The following MRE11 variants were observed in gnomAD, a reference collection of about 807,000 sequenced individuals.
The protein encoded by MRE11 is double-strand break repair protein MRE11.
A neutral mutation model predicts 91.7 loss-of-function variants in MRE11; 62 were observed. The observed-to-expected ratio is 0.68, with a 90% CI of 0.55 to 0.84. The LOEUF (loss-of-function observed/expected upper bound fraction) is 0.84. Among genes scored for constraint, MRE11 ranks in the 40% least tolerant of loss-of-function variants. The probability of loss-of-function intolerance (pLI) is 0.00; values close to 1 mark genes in which losing one functional copy is unlikely to be tolerated. For missense variants in MRE11, 796 were observed against 852.9 expected (o/e 0.93, Z 0.83); for synonymous variants, 273 against 271.4 (o/e 1.01, Z -0.06).
chr11:94,434,438 C>T (rs1199746791), intron 18 of MRE11, among the ~76,000 whole-genome samples: 2 of 152,118 alleles, frequency 1.3e-5, no homozygotes, highest in African/African-American at 2.4e-5. Context: ...TAATTTCTAA[C>T]GTTAGGGAGA....
intron 17 of MRE11, among the ~76,000 whole-genome samples, chr11:94,436,687 C>T (rs954144489): frequency 6.6e-6 from 1 of 152,158 alleles, no homozygotes; most frequent in African/African-American, 2.4e-5. Context: ...CCATATTGGA[C>T]TCTTCTTGGA....
intron 18 of MRE11, among the ~76,000 whole-genome samples, chr11:94,431,851 T>C (rs1346508345): frequency 2.0e-5 from 3 of 152,242 alleles, no homozygotes; most frequent in African/African-American, 4.8e-5. Context: ...GGCAGACATT[T>C]ATACAGCTGA....
chr11:94,455,553 C>G (rs1031883100), intron 14 of MRE11, among the ~76,000 whole-genome samples: 45 of 152,032 alleles, frequency 3.0e-4, no homozygotes, highest in Admixed American at 2.6e-4. Context: ...ATCATAAATT[C>G]AACAAGTACC....
rs970288275 is a variant in MRE11, at chr11:94,419,512, A to T, written c.*613T>A. On this transcript the variant is annotated 3_prime_UTR_variant, in exon 20 of 20. Transcript: ENST00000323929. ...AGAGAGAGAACACCATTAAGGATAC[A>T]GAATAATAAAGGAAATTACTACCAC... 8.7e-6 allele frequency: 2 copies of T among 230,568 alleles called. No individual in the cohort carries two copies. Among genetic ancestry groups the T allele is most frequent in the Non-Finnish European group, 1.7e-5 (2 of 117,378 alleles). 14.3% of individuals were successfully genotyped at this position (230,568 alleles called of 1,614,324 possible). A position where few individuals can be genotyped will look rare whatever the true frequency, so the allele number is the denominator to read the frequency against.
At chr11:94,500,918 GGATCAACTCTTGATTCCT>G in the MRE11 span, among the ~76,000 whole-genome samples, 5 of 152,090 alleles carry the variant, frequency 3.3e-5, no homozygotes, top group African/African-American at 1.2e-4. Flanking sequence ...TGAAATCTCT[GGATCAACTCTTGATTCCT>G]GATCAACACA....
At position 94,478,922 on chromosome 11, in the gene MRE11, G is replaced by C. The variant is rs1237085409; in HGVS notation, c.403-46C>G. The C allele has an allele frequency of 1.9e-6, 3 of 1,594,252 alleles. No individual in the cohort carries two copies. In the East Asian group the frequency reaches 6.7e-5, roughly 36 times the overall value. Reference sequence around the variant, plus strand: ...GAATGTTAGTGTGTATGTAAAAGTAGGTATCTGCATGAATATCGTATCACC... The same window carrying C: ...GAATGTTAGTGTGTATGTAAAAGTACGTATCTGCATGAATATCGTATCACC... On this transcript the variant is annotated intron_variant, in intron 5 of 19. Transcript: ENST00000323929.
At chr11:94,499,591 A>G in the MRE11 span, 1 of 152,218 alleles carries the variant, frequency 6.6e-6, no homozygotes, top group Non-Finnish European at 1.5e-5. Flanking sequence ...AAAGGCATGA[A>G]TTCATTTTTT....
At chr11:94,427,832 A>C (rs1009365362) in intron 19 of MRE11, among the ~76,000 whole-genome samples, 1 of 152,204 alleles carries the variant, frequency 6.6e-6, no homozygotes. Context: ...TATATAGCTA[A>C]CCAAGGAGGT....
rs1482890077 is a variant in MRE11 at position 94,486,065 on chromosome 11, C to T, written c.173G>A (p.Gly58Asp). 6.2e-7 allele frequency: 1 copy of T among 1,613,484 alleles called. No individual in the cohort carries two copies. The highest frequency in any genetic ancestry group is 8.5e-7 in the Non-Finnish European group (1 of 1,179,814). ...CTTATTTTCATGAAAAAGATCACCA[C>T]CTAACAAAATAAAATCCACCTGATC... ...QENEVDFILLGGDLFHENKPS... is the reference protein window; with the variant it reads ...QENEVDFILLDGDLFHENKPS... The change falls in exon 4 of 20, where the codon GGT becomes GAT. Residue 58 changes from glycine (G) to aspartate (D), a missense_variant. By Grantham distance (94) the Gly-to-Asp change is moderately conservative (BLOSUM62 -1). Transcript: ENST00000323929.
chr11:94,439,813 G>A (rs1945724936), intron 16 of MRE11, among the ~76,000 whole-genome samples: 1 of 152,162 alleles, frequency 6.6e-6, no homozygotes. Flanking sequence ...TTTGCTGGAG[G>A]ACACACAACT....
chr11:94,485,193 G>T (rs190293163), intron 4 of MRE11, among the ~76,000 whole-genome samples: 216 of 152,108 alleles, frequency 1.4e-3, no homozygotes, highest in African/African-American at 5.0e-3. Context: ...GGCAGAGGTT[G>T]CAGTGAGCCA....
chr11:94,461,682 T>C (rs1348090998), intron 11 of MRE11, among the ~76,000 whole-genome samples: 3 of 152,214 alleles, frequency 2.0e-5, no homozygotes, highest in Non-Finnish European at 2.9e-5. Context: ...AAATTGTCCC[T>C]GTTTGCAGAT....
intron 16 of MRE11, among the ~76,000 whole-genome samples, chr11:94,440,884 G>A (rs1274415583): frequency 6.6e-6 from 1 of 152,086 alleles, no homozygotes; most frequent in Non-Finnish European, 1.5e-5. Flanking sequence ...ATCTAACTAT[G>A]TGCTTGGAAG....
At chr11:94,471,520 T>C in intron 8 of MRE11, 54 bp downstream of exon 8, 3 of 1,546,112 alleles carry the variant, frequency 1.9e-6, no homozygotes, top group Admixed American at 3.4e-5. Context: ...ATGAGATGAT[T>C]AGTTATTATA....
chr11:94,421,419 G>A (rs1945169258), intron 19 of MRE11, among the ~76,000 whole-genome samples: 2 of 152,102 alleles, frequency 1.3e-5, no homozygotes, highest in South Asian at 4.1e-4. Context: ...TGCTATCAAA[G>A]ACAAAACTTA....
chr11:94,471,647 G>C lies in MRE11; in HGVS notation c.772C>G (p.Gln258Glu), dbSNP rs1407366521. 1.2e-6 allele frequency: 2 copies of C among 1,612,748 alleles called. No homozygotes were observed. Among genetic ancestry groups the C allele is most frequent in the South Asian group, 1.1e-5 (1 of 91,048 alleles). ...ECKIAPTKNE[Q>E]QLFYISQPGS... ...GGTTGTGAGATATAAAACAGCTGTT[G>C]TTCATTTTTGGTTGGAGCTATTTTA... Residue 258 changes from glutamine (Q) to glutamate (E), a missense_variant, in exon 8 of 20, where the codon CAA becomes GAA. By Grantham distance (29) the Gln-to-Glu change is conservative. Coordinates refer to ENST00000323929, the MANE Select transcript of MRE11 (RefSeq NM_005591.4).
intron 6 of MRE11, among the ~76,000 whole-genome samples, chr11:94,478,019 G>A (rs1051582986): frequency 2.0e-5 from 3 of 152,154 alleles, no homozygotes; most frequent in Non-Finnish European, 4.4e-5. Context: ...AAGAGTTCTA[G>A]AGTTTATAAT....
rs397509349 is a variant in MRE11 at position 94,417,394 on chromosome 11, C to T, written c.*2731G>A. On this transcript the variant is annotated 3_prime_UTR_variant, in exon 20 of 20. Coordinates refer to ENST00000323929, the MANE Select transcript of MRE11 (RefSeq NM_005591.4). ...GCAAATTTATCAAGCTGGTAAATTC[C>T]ATAACAGGCTGAACCAAATGAAATA... 4.3e-6 allele frequency: 1 copy of T among 231,662 alleles called. No individual in the cohort carries two copies. The highest frequency in any genetic ancestry group is 8.5e-6 in the Non-Finnish European group (1 of 117,200). 14.4% of individuals were successfully genotyped at this position (231,662 alleles called of 1,614,324 possible).
intron 15 of MRE11, among the ~76,000 whole-genome samples, 175 bp downstream of exon 15, chr11:94,447,044 A>G: frequency 6.6e-6 from 1 of 152,236 alleles, no homozygotes; most frequent in East Asian, 1.9e-4. Context: ...TTATTTAAGT[A>G]AAAGGCACAT....
Sources: allele counts gnomAD v4.1 joint callset (sites outside exome capture counted in the v4.1 genomes callset), GRCh38; gene constraint gnomAD v4.1.1; transcripts MANE v1.5; gene names NCBI Gene and HGNC (gene_info 2026-07-23, HGNC 2026-07-21).